Variants in GRIK3 observed in about 807,000 individuals in gnomAD.
GRIK3 encodes glutamate ionotropic receptor kainate type subunit 3.
GRIK3 carries 29 observed loss-of-function variants against 102.5 expected under a neutral mutation model. That is an observed-to-expected ratio of 0.28 (90% CI 0.21 to 0.39). The LOEUF (loss-of-function observed/expected upper bound fraction) is 0.39. Ranked by LOEUF, GRIK3 falls within the 10% of genes least tolerant of loss-of-function variation. The pLI is 1.00. For missense variants in GRIK3, 908 were observed against 1,252.4 expected (o/e 0.73, Z 4.15); for synonymous variants, 511 against 504.9 (o/e 1.01, Z -0.16).
intron 1 of GRIK3, among the ~76,000 whole-genome samples, chr1:37,031,737 TG>T (rs1370742519): frequency 6.6e-6 from 1 of 152,238 alleles, no homozygotes; most frequent in Non-Finnish European, 1.5e-5. Flanking sequence ...GAGAGGGCAC[TG>T]GGCCCAGCCA....
Position 36,921,235 on chromosome 1 carries a change from G to C in GRIK3, c.116-30139C>G, listed in dbSNP as rs901074329. On this transcript the variant is annotated intron_variant, in intron 1 of 15. Transcript: ENST00000373091. Reference sequence around the variant, plus strand: ...TTGAAGCACAGCTCTGGCCCTGCTAGCTGATGACAGGATGGTGGAGAGGCC... The same window carrying C: ...TTGAAGCACAGCTCTGGCCCTGCTACCTGATGACAGGATGGTGGAGAGGCC... 3.9e-5 allele frequency among the ~76,000 whole-genome samples: 6 copies of C among 152,218 alleles called. No homozygotes were observed. The East Asian group carries it at 1.2e-3, about 29-fold the overall frequency.
At chr1:36,982,873 A>G (rs1198478745) in intron 1 of GRIK3, among the ~76,000 whole-genome samples, 1 of 152,130 alleles carries the variant, frequency 6.6e-6, no homozygotes. Flanking sequence ...CTGTTGGCCA[A>G]CAAGTAGGGC....
intron 1 of GRIK3, among the ~76,000 whole-genome samples, chr1:36,977,598 T>C (rs191072416): frequency 3.5e-4 from 53 of 152,336 alleles, no homozygotes; most frequent in Admixed American, 9.1e-4. Context: ...GTGACAGCTC[T>C]GAAGGTGGTC....
intron 1 of GRIK3, among the ~76,000 whole-genome samples, chr1:36,983,738 T>G (rs1642274578): frequency 6.6e-6 from 1 of 152,114 alleles, no homozygotes; most frequent in Non-Finnish European, 1.5e-5. Flanking sequence ...TAAATTAAGT[T>G]CCCCTGTTAT....
chr1:36,997,521 C>T (rs1642433305), intron 1 of GRIK3, among the ~76,000 whole-genome samples: 1 of 152,180 alleles, frequency 6.6e-6, no homozygotes, highest in Non-Finnish European at 1.5e-5. Flanking sequence ...GGCAGGGGGG[C>T]ACGCGAGCTC....
intron 5 of GRIK3, among the ~76,000 whole-genome samples, chr1:36,868,856 A>G (rs478052): frequency 0.91 from 138,357 of 152,294 alleles, 62,992 homozygotes; most frequent in East Asian, 0.99. Flanking sequence ...CTACGGGGTC[A>G]TAGATGCTGG....
intron 4 of GRIK3, among the ~76,000 whole-genome samples, chr1:36,871,350 G>A (rs1162552177): frequency 6.6e-6 from 1 of 152,182 alleles, no homozygotes; most frequent in Admixed American, 6.5e-5. Flanking sequence ...TCAAGGCCTC[G>A]AGAACACTCC....
chr1:37,012,950 A>ATTTG (rs1369421651), intron 1 of GRIK3, among the ~76,000 whole-genome samples: 1 of 152,236 alleles, frequency 6.6e-6, no homozygotes. Context: ...GATACCCCAA[A>ATTTG]GCACCTAGCC....
At chr1:36,970,561 T>C (rs1378240342) in intron 1 of GRIK3, among the ~76,000 whole-genome samples, 2 of 152,186 alleles carry the variant, frequency 1.3e-5, no homozygotes, top group Non-Finnish European at 2.9e-5. Flanking sequence ...AAAGGATGGA[T>C]GGGTGGATGA....
chr1:36,923,808 C>T (rs1053236970), intron 1 of GRIK3, among the ~76,000 whole-genome samples: 1 of 152,092 alleles, frequency 6.6e-6, no homozygotes, highest in Non-Finnish European at 1.5e-5. Flanking sequence ...CATTGCATGG[C>T]TTTTGGGAAA....
intron 1 of GRIK3, among the ~76,000 whole-genome samples, chr1:37,008,858 T>C (rs955444732): frequency 6.6e-6 from 1 of 152,186 alleles, no homozygotes; most frequent in Non-Finnish European, 1.5e-5. Context: ...AATTAAGTCA[T>C]TATCATAGAA....
chr1:36,888,475 G>A (rs1641066701), intron 2 of GRIK3, among the ~76,000 whole-genome samples: 1 of 152,132 alleles, frequency 6.6e-6, no homozygotes, highest in Admixed American at 6.5e-5. Flanking sequence ...TCTAGCTTGA[G>A]TAGGTGTCTG....
chr1:36,833,089 A>G (rs1640329369), intron 10 of GRIK3, among the ~76,000 whole-genome samples: 1 of 152,068 alleles, frequency 6.6e-6, no homozygotes, highest in Non-Finnish European at 1.5e-5. Context: ...GTCTGTAGGG[A>G]TTAACGCAAA....
chr1:36,996,813 C>A (rs891579592), intron 1 of GRIK3, among the ~76,000 whole-genome samples: 3 of 152,188 alleles, frequency 2.0e-5, no homozygotes, highest in Non-Finnish European at 2.9e-5. Flanking sequence ...TCCGCATATC[C>A]AAGGATGTTG....
intron 1 of GRIK3, among the ~76,000 whole-genome samples, chr1:36,979,714 G>A (rs544033633): frequency 2.4e-4 from 37 of 152,334 alleles, no homozygotes; most frequent in African/African-American, 8.2e-4. Flanking sequence ...GTGGTGGCAG[G>A]AGCTGCAGTT....
intron 2 of GRIK3, among the ~76,000 whole-genome samples, chr1:36,886,933 CTT>C (rs1228114579): frequency 6.6e-6 from 1 of 152,162 alleles, no homozygotes; most frequent in African/African-American, 2.4e-5. Context: ...AAAGTTTATT[CTT>C]TTTTTAATTG....
At chr1:36,824,320 G>T (rs1029262136) in intron 11 of GRIK3, among the ~76,000 whole-genome samples, 3 of 152,250 alleles carry the variant, frequency 2.0e-5, no homozygotes, top group Non-Finnish European at 4.4e-5. Context: ...GCTCTGGAGA[G>T]TGGCTCCTGG....
Position 36,870,556 on chromosome 1 carries a change from G to A in GRIK3, c.733-755C>T, listed in dbSNP as rs144246018. Among the ~76,000 whole-genome samples, 590 of 152,268 alleles carry A rather than the reference G, an allele frequency of 3.9e-3. 4 individuals are homozygous for A. Among genetic ancestry groups the A allele is most frequent in the South Asian group, 0.012 (57 of 4,818 alleles). On this transcript the variant is annotated intron_variant, in intron 4 of 15. Coordinates refer to ENST00000373091, the MANE Select transcript of GRIK3 (RefSeq NM_000831.4). ...TTGCAAATGCTGCCCATTCCCTCCC[G>A]CCTTTGAAGAGTCACAGCCCACCTC...
chr1:36,936,939 TACA>T (rs778155771), intron 1 of GRIK3, among the ~76,000 whole-genome samples: 1 of 152,052 alleles, frequency 6.6e-6, no homozygotes, highest in Non-Finnish European at 1.5e-5. Context: ...GGGAGCTGGA[TACA>T]ACAACAGGTG....
Sources: allele counts gnomAD v4.1 joint callset (sites outside exome capture counted in the v4.1 genomes callset), GRCh38; gene constraint gnomAD v4.1.1; transcripts MANE v1.5; gene names NCBI Gene and HGNC (gene_info 2026-07-23, HGNC 2026-07-21).